Variants in SLC39A10 observed in about 807,000 individuals in gnomAD.
The protein encoded by SLC39A10 is zinc transporter ZIP10.
A neutral mutation model predicts 65.1 loss-of-function variants in SLC39A10; 13 were observed. The observed-to-expected ratio is 0.20, with a 90% CI of 0.13 to 0.32. SLC39A10 has a LOEUF of 0.32. Ranked by LOEUF, SLC39A10 falls within the 10% of genes least tolerant of loss-of-function variation. SLC39A10 has a pLI of 1.00. For synonymous variants in SLC39A10, 321 were observed against 342.2 expected (o/e 0.94, Z 0.68); for missense variants, 831 against 1,018.4 (o/e 0.82, Z 2.50).
chr2:195,614,275 T>C (rs914805960), intron 2 of SLC39A10, among the ~76,000 whole-genome samples: 4 of 152,248 alleles, frequency 2.6e-5, no homozygotes, highest in African/African-American at 9.6e-5. Context: ...TTGCACCAGT[T>C]ATACATCTAA....
At chr2:195,653,465 T>C (rs551229500), upstream of SLC39A10, among the ~76,000 whole-genome samples, 39 of 152,170 alleles carry the variant, frequency 2.6e-4, no homozygotes, top group African/African-American at 8.7e-4. Context: ...TGGCTAATTT[T>C]TGTTATTTTT....
In SLC39A10 at chr2:195,706,612, A is replaced by G. The variant is rs1691406055; in HGVS notation, c.1217-4A>G. The G allele has an allele frequency of 2.5e-6, 4 of 1,608,854 alleles. No homozygotes were observed. The highest frequency in any genetic ancestry group is 3.4e-6 in the Non-Finnish European group (4 of 1,177,694). On this transcript the variant is annotated splice_region_variant and splice_polypyrimidine_tract_variant and intron_variant, in intron 3 of 9. Transcript: ENST00000359634. ...AATGTTGACTCTTAATTTCTTTTCT[A>G]CAGCCTGGATTTGTGGTATCATTTC...
chr2:195,732,610 A>C (rs771140233), intron 9 of SLC39A10, among the ~76,000 whole-genome samples: 1 of 152,242 alleles, frequency 6.6e-6, no homozygotes, highest in Non-Finnish European at 1.5e-5. Flanking sequence ...TTTATGCTTA[A>C]GTATTTAAGG....
intron 3 of SLC39A10, among the ~76,000 whole-genome samples, chr2:195,687,493 A>G (rs1349651650): frequency 2.0e-5 from 3 of 152,196 alleles, no homozygotes; most frequent in Admixed American, 2.0e-4. Context: ...AGCTTATTCA[A>G]TCTGAAAAGC....
intron 9 of SLC39A10, among the ~76,000 whole-genome samples, chr2:195,732,364 G>T (rs748648299): frequency 1.3e-5 from 2 of 152,176 alleles, no homozygotes; most frequent in Non-Finnish European, 2.9e-5. Context: ...GTATCTAGTT[G>T]TAGAGGACTT....
rs1559052482 is a variant in SLC39A10, at chr2:195,728,194, GT to G, written c.2183del (p.Val728GlufsTer13). On this transcript the variant is annotated frameshift_variant, in exon 9 of 10. Transcript: ENST00000359634. LOFTEE classifies it high-confidence loss of function. This position sits in a 1 kb window ranked among gnomAD's most constrained non-coding sequence, Gnocchi z 4.4. ...AGTTCTTCTTAAAGCAGGCATGACTGTAAAGCAAGCAATTGTATACAACCTC... is the reference window on the plus strand; with the variant it reads ...AGTTCTTCTTAAAGCAGGCATGACTGAAAGCAAGCAATTGTATACAACCTC... ...FAVLLKAGMT[V>X]KQAIVYNLLS... 1 of 1,613,778 alleles carries G rather than the reference GT, an allele frequency of 6.2e-7. No homozygotes were observed. Among genetic ancestry groups the G allele is most frequent in the African/African-American group, 1.3e-5 (1 of 75,034 alleles).
At chr2:195,699,948 A>C (rs1366057227) in intron 3 of SLC39A10, among the ~76,000 whole-genome samples, 1 of 152,140 alleles carries the variant, frequency 6.6e-6, no homozygotes, top group Admixed American at 6.5e-5. Flanking sequence ...TTAGGTACAT[A>C]AACGTTTATA....
rs576345257 is a variant in SLC39A10 at position 195,628,546 on chromosome 2, T to A, written c.-12+22313T>A. ...GATACAGATGGAAACAAAAGGCCTCTGTCCTCATGAAACATACATTCTAGT... is the reference window on the plus strand; with the variant it reads ...GATACAGATGGAAACAAAAGGCCTCAGTCCTCATGAAACATACATTCTAGT... On this transcript the variant is annotated intron_variant, in intron 2 of 2. Transcript: ENST00000458054. Among the ~76,000 whole-genome samples the A allele has an allele frequency of 5.3e-5, 8 of 152,320 alleles. No homozygotes were observed. In the South Asian group the frequency reaches 1.7e-3, roughly 32 times the overall value.
At chr2:195,682,739 C>T (rs935994090) in intron 2 of SLC39A10, among the ~76,000 whole-genome samples, 3 of 151,660 alleles carry the variant, frequency 2.0e-5, no homozygotes, top group African/African-American at 7.3e-5. Context: ...CTGATGTATA[C>T]TGGGAATCTC....
At chr2:195,676,544 T>C (rs533144181) in intron 1 of SLC39A10, among the ~76,000 whole-genome samples, 3 of 152,186 alleles carry the variant, frequency 2.0e-5, no homozygotes, top group Admixed American at 6.5e-5. Flanking sequence ...TTTTCACATA[T>C]AGGTTTTTAA....
intron 1 of SLC39A10, among the ~76,000 whole-genome samples, chr2:195,672,195 A>G (rs1689887908): frequency 6.6e-6 from 1 of 152,008 alleles, no homozygotes; most frequent in Admixed American, 6.6e-5. Flanking sequence ...GCACAGCACG[A>G]TCTTGGCTCA....
At chr2:195,674,794 C>T (rs1198245096) in intron 1 of SLC39A10, among the ~76,000 whole-genome samples, 3 of 149,950 alleles carry the variant, frequency 2.0e-5, no homozygotes, top group Non-Finnish European at 4.4e-5. Context: ...AGAGTATAGC[C>T]AGTTGCTTCT....
chr2:195,690,431 T>C (rs1422510063), intron 3 of SLC39A10, among the ~76,000 whole-genome samples: 1 of 152,110 alleles, frequency 6.6e-6, no homozygotes, highest in Non-Finnish European at 1.5e-5. Flanking sequence ...GGTAATTCTG[T>C]TTTTAACTTT....
chr2:195,722,072 C>T (rs73987259), intron 8 of SLC39A10, among the ~76,000 whole-genome samples: 1,542 of 152,298 alleles, frequency 0.01, 25 homozygotes, highest in African/African-American at 0.034. Context: ...ATACCCAATG[C>T]AGAGCTCTGG....
chr2:195,712,412 T>C (rs894491509), intron 5 of SLC39A10, among the ~76,000 whole-genome samples: 1 of 152,262 alleles, frequency 6.6e-6, no homozygotes, highest in African/African-American at 2.4e-5. Context: ...AAATTGATAG[T>C]GGCCATCTTT....
At chr2:195,619,170 T>C (rs1688294782) in intron 2 of SLC39A10, among the ~76,000 whole-genome samples, 1 of 150,246 alleles carries the variant, frequency 6.7e-6, no homozygotes, top group African/African-American at 2.4e-5. Flanking sequence ...CAAAGGCTTC[T>C]AATACGGGTA....
intron 3 of SLC39A10, among the ~76,000 whole-genome samples, chr2:195,703,964 T>C (rs1479642151): frequency 6.6e-6 from 1 of 152,174 alleles, no homozygotes; most frequent in Non-Finnish European, 1.5e-5. Context: ...CATTAAAATA[T>C]TTTTACTGGG....
chr2:195,649,604 C>T (rs560632163), intron 2 of SLC39A10, among the ~76,000 whole-genome samples: 4 of 152,294 alleles, frequency 2.6e-5, no homozygotes, highest in East Asian at 1.9e-4. Flanking sequence ...AAAAAATTTA[C>T]GTGGTAACTT....
intron 7 of SLC39A10, 109 bp downstream of exon 7, chr2:195,717,114 T>C: frequency 7.0e-7 from 1 of 1,424,032 alleles, no homozygotes; most frequent in Non-Finnish European, 9.4e-7. Context: ...CTCTGGTCAG[T>C]TGATTTTTCC....
Sources: gnomAD v4.1 joint callset for allele counts (sites outside exome capture counted in the v4.1 genomes callset) on GRCh38, gnomAD v4.1.1 for gene constraint, Gnocchi (gnomAD v3.1) non-coding constraint, MANE v1.5 for transcripts, NCBI Gene and HGNC (gene_info 2026-07-23, HGNC 2026-07-21) for gene names.